Variants in PCDHA3 observed in about 807,000 individuals in gnomAD.
PCDHA3 encodes protocadherin alpha 3.
A neutral mutation model predicts 62.2 loss-of-function variants in PCDHA3; 41 were observed. The observed-to-expected ratio is 0.66, with a 90% CI of 0.51 to 0.86. The LOEUF (loss-of-function observed/expected upper bound fraction) is 0.86, where lower values mean the gene tolerates loss of function less well. Ranked by LOEUF, PCDHA3 falls within the 40% of genes least tolerant of loss-of-function variation. PCDHA3 has a pLI of 0.00. For synonymous variants in PCDHA3, 640 were observed against 555.4 expected, an observed-to-expected ratio of 1.15 and a Z score of -2.14; for missense variants, 1,304 against 1,241.2, an observed-to-expected ratio of 1.05 and a Z score of -0.76.
intron 1 of PCDHA3, chr5:140,851,015 G>T: frequency 7.0e-7 from 1 of 1,432,294 alleles, no homozygotes. Flanking sequence ...TTTTTTTTCT[G>T]ATAAAGTAAA....
At chr5:140,828,544 G>A (rs144353163) in intron 1 of PCDHA3, 952 of 1,614,096 alleles carry the variant, frequency 5.9e-4, no homozygotes, top group Non-Finnish European at 7.8e-4. Flanking sequence ...CAGATTCTGT[G>A]TTTCCACTGG....
intron 1 of PCDHA3, chr5:140,828,181 G>C (rs2150151926): frequency 6.2e-7 from 1 of 1,614,176 alleles, no homozygotes; most frequent in Non-Finnish European, 8.5e-7. Context: ...GGAGCGGCCA[G>C]CTCCACTACT....
In PCDHA3 at chr5:140,935,762, C is replaced by T. The variant is rs187194530; in HGVS notation, c.2395-43187C>T. Among the ~76,000 whole-genome samples the T allele has an allele frequency of 2.5e-3, 386 of 152,162 alleles. 3 individuals are homozygous for T. The highest frequency in any genetic ancestry group is 0.018 in the South Asian group (87 of 4,822). On this transcript the variant is annotated intron_variant, in intron 1 of 3. Transcript: ENST00000522353. ...TTATTCCATACAATACACATTCTTC[C>T]CCACTTTGAGTTTTTTCACTTAAAA... is the stretch of plus-strand genomic sequence containing the variant.
intron 1 of PCDHA3, among the ~76,000 whole-genome samples, chr5:140,897,443 G>GT (rs1562897655): frequency 6.7e-6 from 1 of 149,986 alleles, no homozygotes; most frequent in Non-Finnish European, 1.5e-5. Flanking sequence ...GCAGTGTTTG[G>GT]TTTTTTGTCC....
chr5:140,913,125 C>G (rs1164527264), intron 1 of PCDHA3, among the ~76,000 whole-genome samples: 1 of 152,132 alleles, frequency 6.6e-6, no homozygotes, highest in Non-Finnish European at 1.5e-5. Context: ...AAGTTAACCC[C>G]TCCTCTACTT....
At chr5:140,884,181 A>G in intron 1 of PCDHA3, 1 of 1,613,332 alleles carries the variant, frequency 6.2e-7, no homozygotes, top group Non-Finnish European at 8.5e-7. Context: ...CGCCCTCTGG[A>G]CGAGGTGGAC....
Position 140,856,821 on chromosome 5 carries a change from C to G in PCDHA3, c.2394+53230C>G, listed in dbSNP as rs1554149155. ...ATGTATGAAAATCAAGTGAACCAAA[C>G]ATTAGTAATACGGCTCAACGCTTCT... is the stretch of plus-strand genomic sequence containing the variant. On this transcript the variant is annotated intron_variant, in intron 1 of 3. Transcript: ENST00000522353. 2.5e-6 allele frequency: 4 copies of G among 1,592,396 alleles called. 1 individual carries two copies. The South Asian group carries it at 4.4e-5, about 18-fold the overall frequency.
intron 1 of PCDHA3, among the ~76,000 whole-genome samples, chr5:140,805,850 A>G (rs1763639602): frequency 6.6e-6 from 1 of 152,200 alleles, no homozygotes; most frequent in South Asian, 2.1e-4. Context: ...ATATGCGATC[A>G]CCTTAAATTA....
At chr5:140,806,782 T>C in intron 1 of PCDHA3, 1 of 197,052 alleles carries the variant, frequency 5.1e-6, no homozygotes, top group South Asian at 1.1e-4. Context: ...AAAACCTGTG[T>C]TGAAAAAATT....
At position 140,823,647 on chromosome 5, in the gene PCDHA3, G is replaced by A. The variant is rs2150127892; in HGVS notation, c.2394+20056G>A. The A allele has an allele frequency of 2.1e-5, 34 of 1,613,872 alleles. No homozygotes were observed. The South Asian group carries it at 3.2e-4, about 15-fold the overall frequency. ...GTGCGCGCATCCCGTTCCGCGTGGG[G>A]CTGTACACAGGCGAGATCAGCACAA... On this transcript the variant is annotated intron_variant, in intron 1 of 3. Transcript: ENST00000522353.
chr5:141,002,374 C>T (rs1228476890), intron 3 of PCDHA3, among the ~76,000 whole-genome samples: 1 of 152,220 alleles, frequency 6.6e-6, no homozygotes, highest in Non-Finnish European at 1.5e-5. Context: ...CTCATTCTGG[C>T]TTAGGGCTCC....
chr5:140,857,057 G>A, intron 1 of PCDHA3: 1 of 1,596,192 alleles, frequency 6.3e-7, no homozygotes, highest in African/African-American at 1.3e-5. Flanking sequence ...CACGGTCCTA[G>A]TGGAACTACT....
At chr5:140,833,431 G>A (rs1035450581) in intron 1 of PCDHA3, among the ~76,000 whole-genome samples, 12 of 152,150 alleles carry the variant, frequency 7.9e-5, no homozygotes, top group African/African-American at 2.9e-4. Context: ...AGATGGCTGA[G>A]CACTGAAATT....
chr5:140,928,296 T>C (rs2085128137), intron 1 of PCDHA3: 6 of 1,614,054 alleles, frequency 3.7e-6, no homozygotes, highest in African/African-American at 1.3e-5. Flanking sequence ...GCCGAGTGTT[T>C]GCCCAGGACC....
Position 140,942,409 on chromosome 5 carries a change from T to TA in PCDHA3, c.2395-36528dup, listed in dbSNP as rs78736997. On this transcript the variant is annotated intron_variant, in intron 1 of 3. Coordinates refer to ENST00000522353, the MANE Select transcript of PCDHA3 (RefSeq NM_018906.3). Reference sequence around the variant, plus strand: ...CCTGGGCGACAGATGAGACTCTGTTTAAAAAAAAAAAAGATATCTAACAAT... The same window carrying TA: ...CCTGGGCGACAGATGAGACTCTGTTTAAAAAAAAAAAAAGATATCTAACAAT... Among the ~76,000 whole-genome samples, 1,256 of 143,596 alleles carry TA rather than the reference T, an allele frequency of 8.7e-3. 8 individuals are homozygous for TA. Among genetic ancestry groups the TA allele is most frequent in the African/African-American group, 0.03 (1,168 of 39,342 alleles). 94.2% of individuals were successfully genotyped at this position (143,596 alleles called of 152,430 possible).
At chr5:140,858,424 C>A in intron 1 of PCDHA3, 1 of 1,553,410 alleles carries the variant, frequency 6.4e-7, no homozygotes, top group Non-Finnish European at 8.8e-7. Flanking sequence ...TTGGAGGGGA[C>A]CACTCTAGGA....
chr5:140,936,000 C>G (rs370629183), intron 1 of PCDHA3, among the ~76,000 whole-genome samples: 1 of 150,536 alleles, frequency 6.6e-6, no homozygotes, highest in African/African-American at 2.4e-5. Flanking sequence ...TCAAGCGATT[C>G]TCCCACCTCA....
At position 140,950,241 on chromosome 5, in the gene PCDHA3, G is replaced by A. The variant is rs191139851; in HGVS notation, c.2395-28708G>A. 3.8e-4 allele frequency among the ~76,000 whole-genome samples: 58 copies of A among 152,014 alleles called. 1 individual carries two copies. The highest frequency in any genetic ancestry group is 6.8e-3 in the Middle Eastern group (2 of 294). On this transcript the variant is annotated intron_variant, in intron 1 of 3. Coordinates refer to ENST00000522353, the MANE Select transcript of PCDHA3 (RefSeq NM_018906.3). The stretch of plus-strand genomic sequence containing the variant: ...TTACCATTTCTAGTGCCATTAATTT[G>A]TTCCTAAAGAGCTGAGTTTATCCAT...
Position 140,857,204 on chromosome 5 carries a change from T to C in PCDHA3, c.2394+53613T>C, listed in dbSNP as rs202111737. On this transcript the variant is annotated intron_variant, in intron 1 of 3. Coordinates refer to ENST00000522353, the MANE Select transcript of PCDHA3 (RefSeq NM_018906.3). ...TTCAGGAGCCAACGGACAGGTCACC[T>C]GCTCTCTGACGCCTCACGTTCCGTT... 221 of 1,598,644 alleles carry C rather than the reference T, an allele frequency of 1.4e-4. 20 individuals are homozygous for C. The highest frequency in any genetic ancestry group is 2.4e-4 in the Admixed American group (14 of 59,320).
Sources: gnomAD v4.1 joint callset for allele counts (sites outside exome capture counted in the v4.1 genomes callset) on GRCh38, gnomAD v4.1.1 for gene constraint, MANE v1.5 for transcripts, NCBI Gene and HGNC (gene_info 2026-07-23, HGNC 2026-07-21) for gene names.